LDB2: variants seen among roughly 807,000 people sequenced by gnomAD.
LDB2 encodes LIM domain-binding protein 2.
Under a neutral mutation model 44.3 loss-of-function variants are expected in LDB2, and 12 were observed. That is an observed-to-expected ratio of 0.27 (90% CI 0.17 to 0.44). The LOEUF (loss-of-function observed/expected upper bound fraction) is 0.44, where lower values mean the gene tolerates loss of function less well. Ranked by LOEUF, LDB2 falls within the 20% of genes least tolerant of loss-of-function variation. The pLI is 1.00. For synonymous variants in LDB2, 164 were observed against 174.8 expected (o/e 0.94, Z 0.49); for missense variants, 344 against 473.5 (o/e 0.73, Z 2.54).
intron 1 of LDB2, among the ~76,000 whole-genome samples, chr4:16,891,301 A>ATTT (rs1276936562): frequency 6.8e-4 from 80 of 117,352 alleles, no homozygotes; most frequent in Non-Finnish European, 1.1e-3. Flanking sequence ...AATCTTAAGT[A>ATTT]TTCTTTTTTT....
intron 1 of LDB2, among the ~76,000 whole-genome samples, chr4:16,871,871 C>T (rs1423266347): frequency 6.6e-6 from 1 of 152,102 alleles, no homozygotes; most frequent in Non-Finnish European, 1.5e-5. Flanking sequence ...ATCCGCCCAC[C>T]TCGGCCTCCC....
chr4:16,717,604 G>C (rs1757356183), intron 2 of LDB2, among the ~76,000 whole-genome samples: 1 of 152,120 alleles, frequency 6.6e-6, no homozygotes, highest in South Asian at 2.1e-4. Flanking sequence ...ATGTCTCAAA[G>C]CATCAGCATT....
At chr4:16,528,937 C>T (rs1477941707) in intron 5 of LDB2, among the ~76,000 whole-genome samples, 2 of 152,122 alleles carry the variant, frequency 1.3e-5, no homozygotes, top group Non-Finnish European at 2.9e-5. Flanking sequence ...CACCAAGATC[C>T]CAAGAAGCCA....
chr4:16,785,044 T>C (rs1449566195), intron 1 of LDB2, among the ~76,000 whole-genome samples: 2 of 151,662 alleles, frequency 1.3e-5, no homozygotes, highest in East Asian at 1.9e-4. Context: ...ATGCTTATAA[T>C]AGTAAACGAA....
intron 2 of LDB2, among the ~76,000 whole-genome samples, chr4:16,722,918 A>G (rs1187318172): frequency 6.6e-6 from 1 of 152,150 alleles, no homozygotes; most frequent in Non-Finnish European, 1.5e-5. Context: ...AAAGCAATAC[A>G]TATTTAGCAT....
chr4:16,807,400 G>A (rs1778988277), intron 1 of LDB2, among the ~76,000 whole-genome samples: 1 of 152,146 alleles, frequency 6.6e-6, no homozygotes, highest in African/African-American at 2.4e-5. Flanking sequence ...AAACAAGGAT[G>A]GAATACAATG....
chr4:16,673,013 T>C (rs1302741802), intron 2 of LDB2, among the ~76,000 whole-genome samples: 1 of 151,838 alleles, frequency 6.6e-6, no homozygotes, highest in Non-Finnish European at 1.5e-5. Context: ...CTTCTTTCTC[T>C]CTCGTTCCTT....
At chr4:16,675,256 C>T (rs1295915795) in intron 2 of LDB2, among the ~76,000 whole-genome samples, 1 of 152,166 alleles carries the variant, frequency 6.6e-6, no homozygotes, top group Non-Finnish European at 1.5e-5. Flanking sequence ...TGACTTAATT[C>T]AGATTTCACC....
At chr4:16,679,856 T>TAGCTC (rs755402450) in intron 2 of LDB2, among the ~76,000 whole-genome samples, 4 of 152,218 alleles carry the variant, frequency 2.6e-5, no homozygotes, top group African/African-American at 7.2e-5. Flanking sequence ...AGACTGGATG[T>TAGCTC]AGCTCAGCCA....
At chr4:16,771,121 G>C (rs956914064) in intron 1 of LDB2, among the ~76,000 whole-genome samples, 1 of 151,972 alleles carries the variant, frequency 6.6e-6, no homozygotes, top group African/African-American at 2.4e-5. Flanking sequence ...TTGAATAGTT[G>C]ATCAAATGAC....
rs80218997 is a variant in LDB2 at position 16,852,882 on chromosome 4, G to C, written c.132+45472C>G. 5.3e-3 allele frequency among the ~76,000 whole-genome samples: 803 copies of C among 152,198 alleles called. 11 individuals are homozygous for C. The highest frequency in any genetic ancestry group is 0.018 in the African/African-American group (728 of 41,522). On this transcript the variant is annotated intron_variant, in intron 1 of 7. Transcript: ENST00000304523. ...GGATCTCATATAAATATTGAAGTAA[G>C]TTTATTTATATTAGTTGGCCAGAAT... is the stretch of plus-strand genomic sequence containing the variant.
chr4:16,579,833 T>A (rs183818552), intron 5 of LDB2, among the ~76,000 whole-genome samples: 1 of 152,220 alleles, frequency 6.6e-6, no homozygotes, highest in African/African-American at 2.4e-5. Context: ...TCAAGAGATA[T>A]CTACTGGGTA....
intron 4 of LDB2, 134 bp from the exon 5 acceptor site, chr4:16,586,139 G>A (rs1277865121): frequency 3.0e-6 from 2 of 656,654 alleles, no homozygotes; most frequent in Non-Finnish European, 5.4e-6. Context: ...GCTGCTGGAG[G>A]TAATTTAATT....
intron 4 of LDB2, among the ~76,000 whole-genome samples, chr4:16,586,521 CACACAAA>C (rs1560554332): frequency 3.0e-3 from 262 of 86,340 alleles, no homozygotes; most frequent in African/African-American, 0.01. Flanking sequence ...CACACACACA[CACACAAA>C]ACACACACAC....
chr4:16,629,781 C>T (rs774262786), intron 2 of LDB2, among the ~76,000 whole-genome samples: 2 of 151,816 alleles, frequency 1.3e-5, no homozygotes, highest in Non-Finnish European at 2.9e-5. Flanking sequence ...ACAACAACTT[C>T]GTGAAGCATA....
intron 1 of LDB2, among the ~76,000 whole-genome samples, chr4:16,825,237 T>C (rs1280907517): frequency 6.6e-6 from 1 of 152,224 alleles, no homozygotes; most frequent in Non-Finnish European, 1.5e-5. Context: ...TTATTCCTAA[T>C]ATGAATCCTC....
At chr4:16,576,729 C>T (rs949171340) in intron 5 of LDB2, among the ~76,000 whole-genome samples, 2 of 152,146 alleles carry the variant, frequency 1.3e-5, no homozygotes, top group Non-Finnish European at 2.9e-5. Flanking sequence ...AACTCATTCT[C>T]AGAGGCCAGT....
At chr4:16,870,451 GGT>G (rs3046105) in intron 1 of LDB2, among the ~76,000 whole-genome samples, 87,716 of 151,358 alleles carry the variant, frequency 0.58, 25,714 homozygotes, top group East Asian at 0.85. Context: ...CTGCTGAAGG[GGT>G]GTGTATGTGT....
At chr4:16,795,249 TGTG>T (rs754330200) in intron 1 of LDB2, among the ~76,000 whole-genome samples, 5 of 152,142 alleles carry the variant, frequency 3.3e-5, no homozygotes, top group Non-Finnish European at 7.4e-5. Context: ...GCATGTCAGA[TGTG>T]GCTGCAGAAA....
Sources: allele counts gnomAD v4.1 joint callset (sites outside exome capture counted in the v4.1 genomes callset), GRCh38; gene constraint gnomAD v4.1.1; transcripts MANE v1.5; gene names NCBI Gene and HGNC (gene_info 2026-07-23, HGNC 2026-07-21).